Variants in LRRTM4 observed in about 807,000 individuals in gnomAD.
The protein encoded by LRRTM4 is leucine-rich repeat transmembrane neuronal protein 4.
A neutral mutation model predicts 47.6 loss-of-function variants in LRRTM4; 25 were observed. The observed-to-expected ratio is 0.53, with a 90% CI of 0.38 to 0.73. The LOEUF is 0.73. LRRTM4 is among the 30% of genes least tolerant of loss of function. The pLI is 0.00. For synonymous variants in LRRTM4, 311 were observed against 269.5 expected (o/e 1.15, Z -1.51); for missense variants, 638 against 713.4 (o/e 0.89, Z 1.20).
At chr2:77,328,371 AT>A (rs1670857273) in intron 3 of LRRTM4, among the ~76,000 whole-genome samples, 1 of 152,064 alleles carries the variant, frequency 6.6e-6, no homozygotes, top group African/African-American at 2.4e-5. Context: ...GAGTTCACTG[AT>A]TTTTCCATGG....
intron 3 of LRRTM4, among the ~76,000 whole-genome samples, chr2:77,030,170 C>T (rs540236551): frequency 2.6e-5 from 4 of 152,294 alleles, no homozygotes; most frequent in African/African-American, 9.6e-5. Context: ...TGGTGGCTCA[C>T]GCCTGTAATC....
intron 3 of LRRTM4, among the ~76,000 whole-genome samples, chr2:77,360,524 TACG>T (rs1558706272): frequency 1.5e-5 from 2 of 134,306 alleles, no homozygotes; most frequent in Non-Finnish European, 3.3e-5. Flanking sequence ...TACGATACGA[TACG>T]ATACGATACA....
chr2:76,975,423 TTTA>T (rs1350613728), intron 3 of LRRTM4, among the ~76,000 whole-genome samples: 1 of 151,186 alleles, frequency 6.6e-6, no homozygotes, highest in Non-Finnish European at 1.5e-5. Context: ...TATTTATTTA[TTTA>T]TTATTTATTT....
chr2:76,906,393 T>G (rs1459841485), intron 3 of LRRTM4, among the ~76,000 whole-genome samples: 24 of 152,048 alleles, frequency 1.6e-4, no homozygotes, highest in Admixed American at 1.6e-3. Context: ...TGCAAAGTCA[T>G]GCCAAATTGT....
intron 3 of LRRTM4, among the ~76,000 whole-genome samples, chr2:77,161,566 AT>A: frequency 6.6e-6 from 1 of 152,078 alleles, no homozygotes; most frequent in Admixed American, 6.6e-5. Context: ...TTCTTCCTTA[AT>A]AATAAATGTT....
At chr2:76,840,521 G>A (rs1373018858) in intron 3 of LRRTM4, among the ~76,000 whole-genome samples, 4 of 152,120 alleles carry the variant, frequency 2.6e-5, no homozygotes, top group Non-Finnish European at 5.9e-5. Flanking sequence ...ATGTTTATGT[G>A]CAGTAAATGT....
chr2:76,991,763 G>T (rs367730573), intron 3 of LRRTM4, among the ~76,000 whole-genome samples: 2 of 151,568 alleles, frequency 1.3e-5, no homozygotes, highest in African/African-American at 4.8e-5. Flanking sequence ...CAAAGAGGAG[G>T]GCTCCTCCCT....
intron 3 of LRRTM4, among the ~76,000 whole-genome samples, chr2:77,144,512 C>T (rs1381298539): frequency 3.3e-5 from 5 of 152,186 alleles, no homozygotes; most frequent in South Asian, 2.1e-4. Context: ...ATGAATTACA[C>T]GGAAGAAAAA....
intron 3 of LRRTM4, among the ~76,000 whole-genome samples, chr2:77,113,942 C>T (rs1481635387): frequency 6.6e-6 from 1 of 152,014 alleles, no homozygotes; most frequent in Admixed American, 6.6e-5. Context: ...CTGCAAGTAG[C>T]GGCTCTTCGG....
At chr2:76,863,534 T>C (rs1672378644) in intron 3 of LRRTM4, among the ~76,000 whole-genome samples, 2 of 152,132 alleles carry the variant, frequency 1.3e-5, no homozygotes, top group South Asian at 4.1e-4. Context: ...GCTAGTGTAG[T>C]AGGTATAAGA....
At chr2:77,417,068 C>T (rs952130633) in intron 3 of LRRTM4, among the ~76,000 whole-genome samples, 2 of 151,036 alleles carry the variant, frequency 1.3e-5, no homozygotes, top group African/African-American at 2.5e-5. Flanking sequence ...ACAACCCCAT[C>T]GAAAAGTGGG....
intron 3 of LRRTM4, among the ~76,000 whole-genome samples, chr2:77,018,259 C>CTTT (rs59294966): frequency 0.011 from 790 of 74,960 alleles, 79 homozygotes; most frequent in African/African-American, 0.035. Context: ...CTCTTGATTG[C>CTTT]TTTTTTTTTT....
At chr2:76,963,156 A>C (rs1412494267) in intron 3 of LRRTM4, among the ~76,000 whole-genome samples, 1 of 151,008 alleles carries the variant, frequency 6.6e-6, no homozygotes, top group African/African-American at 2.4e-5. Context: ...TCAATGTAAA[A>C]AATGTATTAT....
intron 3 of LRRTM4, among the ~76,000 whole-genome samples, chr2:77,094,310 C>A (rs1670747399): frequency 6.6e-6 from 1 of 152,078 alleles, no homozygotes; most frequent in Admixed American, 6.6e-5. Context: ...TGCTATCCCA[C>A]ATTTATGGAT....
rs139011510 is a variant in LRRTM4 at position 77,072,659 on chromosome 2, T to G, written c.1552-323743A>C. On this transcript the variant is annotated intron_variant, in intron 3 of 3. Transcript: ENST00000409884. ...CTAGGTATACAGAAAATTAGCCAGGTGTGGTGGCACCCTCCTGTAGTTCCA... is the reference window on the plus strand; with the variant it reads ...CTAGGTATACAGAAAATTAGCCAGGGGTGGTGGCACCCTCCTGTAGTTCCA... Among the ~76,000 whole-genome samples the G allele has an allele frequency of 5.8e-3, 883 of 151,780 alleles. 9 individuals are homozygous for G. Among genetic ancestry groups the G allele is most frequent in the African/African-American group, 0.02 (847 of 41,412 alleles).
At chr2:76,968,160 A>G (rs1573381074) in intron 3 of LRRTM4, among the ~76,000 whole-genome samples, 1 of 150,046 alleles carries the variant, frequency 6.7e-6, no homozygotes, top group East Asian at 2.0e-4. Context: ...CCTACACAGG[A>G]AAAAAAAAGT....
chr2:76,880,923 A>C (rs1251747654), intron 3 of LRRTM4, among the ~76,000 whole-genome samples: 1 of 152,156 alleles, frequency 6.6e-6, no homozygotes, highest in Non-Finnish European at 1.5e-5. Flanking sequence ...AAAGTAGTCG[A>C]AGATACAAGA....
chr2:76,904,569 T>C (rs1397818606), intron 3 of LRRTM4, among the ~76,000 whole-genome samples: 1 of 152,174 alleles, frequency 6.6e-6, no homozygotes, highest in Admixed American at 6.5e-5. Flanking sequence ...ATCTAAATCT[T>C]AGTGGGAGTA....
At chr2:76,802,880 G>C (rs562772275) in intron 3 of LRRTM4, among the ~76,000 whole-genome samples, 1 of 152,078 alleles carries the variant, frequency 6.6e-6, no homozygotes, top group African/African-American at 2.4e-5. Flanking sequence ...AATAGTGTTG[G>C]GGCTATTGGA....
Sources: gnomAD v4.1 joint callset for allele counts (sites outside exome capture counted in the v4.1 genomes callset) on GRCh38, gnomAD v4.1.1 for gene constraint, MANE v1.5 for transcripts, NCBI Gene and HGNC (gene_info 2026-07-23, HGNC 2026-07-21) for gene names.